WWOX: variants seen among roughly 807,000 people sequenced by gnomAD.
The protein encoded by WWOX is WW domain containing oxidoreductase.
In WWOX, 69 loss-of-function variants were observed where a neutral mutation model predicts 46.2. The observed-to-expected ratio is 1.49, with a 90% CI of 1.23 to 1.82. WWOX has a LOEUF of 1.82. Ranked by LOEUF, WWOX falls within the 40% of genes most tolerant of loss-of-function variation. The pLI, the probability that WWOX is intolerant of heterozygous loss-of-function variation, is 0.00. For missense variants in WWOX, 919 were observed against 542.6 expected (o/e 1.69, Z -6.89); for synonymous variants, 359 against 202.6 (o/e 1.77, Z -6.56).
At chr16:78,653,498 G>C (rs946909756) in intron 8 of WWOX, among the ~76,000 whole-genome samples, 1 of 152,212 alleles carries the variant, frequency 6.6e-6, no homozygotes, top group East Asian at 1.9e-4. Flanking sequence ...CTGACCAATG[G>C]ATATGGAGGG....
intron 8 of WWOX, among the ~76,000 whole-genome samples, chr16:78,563,617 C>T (rs1851282379): frequency 1.3e-5 from 2 of 151,664 alleles, no homozygotes; most frequent in African/African-American, 4.9e-5. Context: ...TCTCTTCCAC[C>T]CTGCTGCCTT....
intron 8 of WWOX, among the ~76,000 whole-genome samples, chr16:78,634,428 C>G (rs957294812): frequency 1.3e-5 from 2 of 152,148 alleles, no homozygotes; most frequent in Non-Finnish European, 2.9e-5. Context: ...GTAGGGACAG[C>G]CGGGCGCAGT....
At chr16:78,601,101 A>T (rs1237927078) in intron 8 of WWOX, among the ~76,000 whole-genome samples, 1 of 152,196 alleles carries the variant, frequency 6.6e-6, no homozygotes, top group Non-Finnish European at 1.5e-5. Context: ...TTCAGGACTC[A>T]GGGTGTATAA....
In WWOX at chr16:79,188,575, C is replaced by G. The variant is rs114447692; in HGVS notation, c.1057-23033C>G. On this transcript the variant is annotated intron_variant, in intron 8 of 8. Coordinates refer to ENST00000566780, the MANE Select transcript of WWOX (RefSeq NM_016373.4). The stretch of plus-strand genomic sequence containing the variant: ...TTGTTTCACCTAATTTCCACACTTA[C>G]GAAGTCAAACTCTCAGTTAAATGTT... Among the ~76,000 whole-genome samples the G allele has an allele frequency of 2.4e-3, 371 of 152,308 alleles. 2 individuals carry two copies. Among genetic ancestry groups the G allele is most frequent in the Middle Eastern group, 0.014 (4 of 294 alleles).
At chr16:78,261,797 T>TGTATCTATCTATCTATCTAG (rs1567464750) in intron 5 of WWOX, among the ~76,000 whole-genome samples, 1 of 65,162 alleles carries the variant, frequency 1.5e-5, no homozygotes, top group African/African-American at 7.0e-5. Flanking sequence ...TCTATATATA[T>TGTATCTATCTATCTATCTAG]ATATATATAT....
chr16:78,424,725 A>T (rs1376551244), intron 6 of WWOX, 145 bp from the exon 7 acceptor site: 12 of 967,262 alleles, frequency 1.2e-5, no homozygotes, highest in Admixed American at 3.4e-5. Flanking sequence ...TAGAAGACGG[A>T]GAAAGAATTT....
At chr16:78,115,740 A>G (rs2032749085) in intron 4 of WWOX, among the ~76,000 whole-genome samples, 1 of 152,154 alleles carries the variant, frequency 6.6e-6, no homozygotes, top group South Asian at 2.1e-4. Flanking sequence ...GCCATTAAGG[A>G]GACAGGAGCA....
chr16:78,858,257 T>A (rs2052615054), intron 8 of WWOX, among the ~76,000 whole-genome samples: 1 of 151,054 alleles, frequency 6.6e-6, no homozygotes, highest in Non-Finnish European at 1.5e-5. Context: ...AGTTCTTTAG[T>A]GGCGATTTAT....
At chr16:78,440,263 C>T (rs1387016192) in intron 8 of WWOX, among the ~76,000 whole-genome samples, 1 of 152,110 alleles carries the variant, frequency 6.6e-6, no homozygotes, top group East Asian at 1.9e-4. Context: ...TCTAGTCTTC[C>T]CCGGTCCCCA....
At chr16:78,660,123 T>C (rs2142168827) in intron 8 of WWOX, among the ~76,000 whole-genome samples, 2 of 152,346 alleles carry the variant, frequency 1.3e-5, no homozygotes, top group Middle Eastern at 3.4e-3. Flanking sequence ...TTGGATCCTC[T>C]GTTTCAGAGG....
At chr16:78,747,005 A>T (rs1051528665) in intron 8 of WWOX, among the ~76,000 whole-genome samples, 1 of 151,596 alleles carries the variant, frequency 6.6e-6, no homozygotes, top group Non-Finnish European at 1.5e-5. Context: ...GAAGACCTGA[A>T]CTCCTGCCTG....
At chr16:78,725,040 C>G (rs2048792161) in intron 8 of WWOX, among the ~76,000 whole-genome samples, 1 of 152,040 alleles carries the variant, frequency 6.6e-6, no homozygotes, top group South Asian at 2.1e-4. Flanking sequence ...TCCCATAATT[C>G]CCATATGTTG....
intron 8 of WWOX, among the ~76,000 whole-genome samples, chr16:78,578,236 A>G (rs1260107631): frequency 2.3e-5 from 3 of 130,398 alleles, no homozygotes; most frequent in African/African-American, 8.6e-5. Flanking sequence ...ATATACAAAT[A>G]TATGTGCATA....
At chr16:79,009,928 T>C (rs1279112450) in intron 8 of WWOX, among the ~76,000 whole-genome samples, 1 of 152,228 alleles carries the variant, frequency 6.6e-6, no homozygotes. Flanking sequence ...AGAAATTTGA[T>C]AATTTGTCTA....
intron 8 of WWOX, among the ~76,000 whole-genome samples, chr16:79,081,599 G>C (rs1172814013): frequency 6.6e-6 from 1 of 152,024 alleles, no homozygotes; most frequent in Non-Finnish European, 1.5e-5. Flanking sequence ...TACTCTCTTT[G>C]AGCCTTCGCT....
chr16:79,091,046 C>G (rs2048949653), intron 8 of WWOX, among the ~76,000 whole-genome samples: 1 of 152,090 alleles, frequency 6.6e-6, no homozygotes. Context: ...CATCGGCCTC[C>G]CAAAGTACTG....
chr16:79,008,143 T>A (rs1208242211), intron 8 of WWOX, among the ~76,000 whole-genome samples: 4 of 152,070 alleles, frequency 2.6e-5, no homozygotes, highest in African/African-American at 9.7e-5. Context: ...AGGACTGAGG[T>A]GCTTGTTTTC....
intron 8 of WWOX, among the ~76,000 whole-genome samples, chr16:78,832,910 G>A (rs904314686): frequency 6.6e-6 from 1 of 152,054 alleles, no homozygotes; most frequent in African/African-American, 2.4e-5. Context: ...TTTTCTCTCT[G>A]AAAGTAAGAA....
chr16:78,331,239 G>A (rs1262436157), intron 5 of WWOX, among the ~76,000 whole-genome samples: 3 of 152,150 alleles, frequency 2.0e-5, no homozygotes, highest in South Asian at 2.1e-4. Flanking sequence ...TCATGCTTGC[G>A]TTTCTTGCAT....
Sources: gnomAD v4.1 joint callset for allele counts (sites outside exome capture counted in the v4.1 genomes callset) on GRCh38, gnomAD v4.1.1 for gene constraint, MANE v1.5 for transcripts, NCBI Gene and HGNC (gene_info 2026-07-23, HGNC 2026-07-21) for gene names.